The following CNTNAP2 variants were observed in gnomAD, a reference collection of about 807,000 sequenced individuals.
CNTNAP2 encodes the protein contactin associated protein 2, also known as contactin-associated protein-like 2.
Under a neutral mutation model 155.2 loss-of-function variants are expected in CNTNAP2, and 98 were observed. That is an observed-to-expected ratio of 0.63 (90% confidence interval 0.54 to 0.75). The LOEUF is 0.75. CNTNAP2 is among the 30% of genes least tolerant of loss of function. The probability of loss-of-function intolerance (pLI) is 0.00; values close to 1 mark genes in which losing one functional copy is unlikely to be tolerated. For synonymous variants in CNTNAP2, 651 were observed against 631.2 expected (o/e 1.03, Z -0.47); for missense variants, 1,727 against 1,688.1 (o/e 1.02, Z -0.40).
Position 146,978,171 on chromosome 7 carries a change from A to C in CNTNAP2, c.403-65736A>C, listed in dbSNP as rs574874610. ...GCTAAGACATTGAAGCTATTCTTTA[A>C]AAATTTGAGATAATTTGACTATTTA... On this transcript the variant is annotated intron_variant, in intron 3 of 23. Coordinates refer to ENST00000361727, the MANE Select transcript of CNTNAP2 (RefSeq NM_014141.6). Among the ~76,000 whole-genome samples, 251 of 152,310 alleles carry C rather than the reference A, an allele frequency of 1.6e-3. 1 individual carries two copies. Among genetic ancestry groups the C allele is most frequent in the African/African-American group, 5.8e-3 (240 of 41,578 alleles).
chr7:146,249,367 CA>C (rs1195807857), intron 1 of CNTNAP2, among the ~76,000 whole-genome samples: 1 of 152,032 alleles, frequency 6.6e-6, no homozygotes, highest in Non-Finnish European at 1.5e-5. Context: ...TCTTCAAATT[CA>C]AATTTATTTC....
intron 6 of CNTNAP2, among the ~76,000 whole-genome samples, chr7:147,127,172 T>A (rs1801257965): frequency 6.6e-6 from 1 of 152,202 alleles, no homozygotes; most frequent in South Asian, 2.1e-4. Context: ...AGGTAGTACC[T>A]AATATGTTCA....
At chr7:147,114,696 T>C (rs1285991699) in intron 5 of CNTNAP2, among the ~76,000 whole-genome samples, 1 of 152,192 alleles carries the variant, frequency 6.6e-6, no homozygotes, top group East Asian at 1.9e-4. Flanking sequence ...TTTGAGCTTA[T>C]GTGTGTGTTT....
At chr7:148,275,965 T>C (rs1334727956) in intron 21 of CNTNAP2, among the ~76,000 whole-genome samples, 1 of 152,004 alleles carries the variant, frequency 6.6e-6, no homozygotes, top group East Asian at 1.9e-4. Context: ...TGAGAGAAAT[T>C]TGAGGAACCA....
intron 1 of CNTNAP2, among the ~76,000 whole-genome samples, chr7:146,353,812 C>A (rs372172328): frequency 5.3e-5 from 8 of 152,000 alleles, no homozygotes; most frequent in African/African-American, 1.9e-4. Context: ...TAATAAACTC[C>A]TCTGTAGGAT....
intron 18 of CNTNAP2, among the ~76,000 whole-genome samples, chr7:148,197,727 G>T (rs1488206510): frequency 2.0e-5 from 3 of 152,194 alleles, no homozygotes; most frequent in Non-Finnish European, 4.4e-5. Context: ...CCCTCTGACA[G>T]CTCCTAGAAT....
intron 14 of CNTNAP2, among the ~76,000 whole-genome samples, chr7:147,953,800 C>T (rs957163427): frequency 6.6e-6 from 1 of 152,130 alleles, no homozygotes; most frequent in African/African-American, 2.4e-5. Context: ...GTAGACACAT[C>T]GCTCCAACCT....
At chr7:146,286,310 T>C (rs1203801877) in intron 1 of CNTNAP2, among the ~76,000 whole-genome samples, 1 of 151,902 alleles carries the variant, frequency 6.6e-6, no homozygotes, top group Non-Finnish European at 1.5e-5. Flanking sequence ...TTTTAACTTT[T>C]GATGTTTCAT....
chr7:146,940,206 A>T (rs1172768903), intron 3 of CNTNAP2, among the ~76,000 whole-genome samples: 1 of 151,386 alleles, frequency 6.6e-6, no homozygotes, highest in Admixed American at 6.6e-5. Flanking sequence ...TATTTTTATT[A>T]TTTATTTATT....
In CNTNAP2 at chr7:148,324,348, T is replaced by A. The variant is rs572384521; in HGVS notation, c.3475+57222T>A. Among the ~76,000 whole-genome samples the A allele has an allele frequency of 2.6e-5, 4 of 152,312 alleles. No individual in the cohort carries two copies. In the South Asian group the frequency reaches 8.3e-4, roughly 32 times the overall value. Reference sequence around the variant, plus strand: ...AACTGTCACCTTCTCCTGGCCTTCCTTGACCACTGTTTTTAATTGCAAATC... The same window carrying A: ...AACTGTCACCTTCTCCTGGCCTTCCATGACCACTGTTTTTAATTGCAAATC... On this transcript the variant is annotated intron_variant, in intron 21 of 23. Coordinates refer to ENST00000361727, the MANE Select transcript of CNTNAP2 (RefSeq NM_014141.6).
At chr7:147,911,412 A>G (rs928075172) in intron 14 of CNTNAP2, among the ~76,000 whole-genome samples, 12 of 152,212 alleles carry the variant, frequency 7.9e-5, no homozygotes, top group African/African-American at 2.9e-4. Context: ...TTAACATTCC[A>G]TAAGGAGGGG....
In CNTNAP2 at chr7:148,417,867, T is replaced by G. The variant is rs927092071; in HGVS notation, c.*2251T>G. The stretch of plus-strand genomic sequence containing the variant: ...AGCCACCCAAAACAGCTTCTGCTAC[T>G]AAAATGTTCTCATCCTTTCTCCTCC... On this transcript the variant is annotated 3_prime_UTR_variant, in exon 24 of 24. Coordinates refer to ENST00000361727, the MANE Select transcript of CNTNAP2 (RefSeq NM_014141.6). 1.3e-5 allele frequency: 2 copies of G among 152,356 alleles called. No individual in the cohort carries two copies. The highest frequency in any genetic ancestry group is 4.1e-4 in the South Asian group (2 of 4,832). 9.4% of individuals were successfully genotyped at this position (152,356 alleles called of 1,614,324 possible). A position where few individuals can be genotyped will look rare whatever the true frequency, so the allele number is the denominator to read the frequency against.
chr7:146,964,695 C>G (rs1227304035), intron 3 of CNTNAP2, among the ~76,000 whole-genome samples: 1 of 152,110 alleles, frequency 6.6e-6, no homozygotes, highest in East Asian at 1.9e-4. Flanking sequence ...TTTTTATGTA[C>G]AGCAGGGGTT....
chr7:147,705,374 T>G (rs1054859510), intron 13 of CNTNAP2, among the ~76,000 whole-genome samples: 3 of 152,198 alleles, frequency 2.0e-5, no homozygotes, highest in African/African-American at 7.2e-5. Flanking sequence ...TGTCCCTTGT[T>G]ACTGATTTCT....
At chr7:147,512,492 A>G (rs1375198432) in intron 11 of CNTNAP2, among the ~76,000 whole-genome samples, 1 of 152,214 alleles carries the variant, frequency 6.6e-6, no homozygotes, top group East Asian at 1.9e-4. Flanking sequence ...GAATCTAGCC[A>G]TATTCAACTT....
intron 16 of CNTNAP2, among the ~76,000 whole-genome samples, chr7:148,136,793 G>A (rs1557964): frequency 0.44 from 67,121 of 151,970 alleles, 15,992 homozygotes; most frequent in African/African-American, 0.62. Context: ...TCACTAAATC[G>A]TAACAAAAGT....
At chr7:147,727,370 C>T (rs1525259) in intron 13 of CNTNAP2, among the ~76,000 whole-genome samples, 88,066 of 151,864 alleles carry the variant, frequency 0.58, 28,373 homozygotes, top group East Asian at 0.9. Flanking sequence ...GCTTTCTCTA[C>T]GTAAGACTAA....
Position 147,132,305 on chromosome 7 carries a change from A to G in CNTNAP2, c.1144A>G (p.Ser382Gly). ...GGTGCCTGTCTTTTTCAACGCTACA[A>G]GTTACCTGGAGGTGCCCGGACGGCT... ...YTVPVFFNAT[S>G]YLEVPGRLNQ... is the part of the protein sequence containing the mutation. Residue 382 changes from serine (S) to glycine (G), a missense_variant, in exon 8 of 24, where the codon AGT (serine) becomes GGT (glycine). Physicochemically the swap from Ser to Gly is moderately conservative, Grantham distance 56. Transcript: ENST00000361727. 1.2e-6 allele frequency: 2 copies of G among 1,613,712 alleles called. No homozygotes were observed. Among genetic ancestry groups the G allele is most frequent in the Non-Finnish European group, 1.7e-6 (2 of 1,179,794 alleles).
chr7:147,075,229 C>T (rs1799973158), intron 4 of CNTNAP2, among the ~76,000 whole-genome samples: 1 of 152,050 alleles, frequency 6.6e-6, no homozygotes, highest in Non-Finnish European at 1.5e-5. Context: ...TGTGGGTAAA[C>T]AATATTGATT....
Sources: gnomAD v4.1 joint callset for allele counts (sites outside exome capture counted in the v4.1 genomes callset) on GRCh38, gnomAD v4.1.1 for gene constraint, MANE v1.5 for transcripts, NCBI Gene and HGNC (gene_info 2026-07-23, HGNC 2026-07-21) for gene names.